ARHGAP42: variants seen among roughly 807,000 people sequenced by gnomAD.
ARHGAP42 encodes the protein rho GTPase-activating protein 42.
ARHGAP42 carries 63 observed loss-of-function variants against 125.0 expected under a neutral mutation model. The ratio of observed to expected loss-of-function variants is 0.50; its 90% CI spans 0.41 to 0.62. The LOEUF (loss-of-function observed/expected upper bound fraction) is 0.62, where lower values mean the gene tolerates loss of function less well. ARHGAP42 is among the 20% of genes least tolerant of loss of function. The pLI, the probability that ARHGAP42 is intolerant of heterozygous loss-of-function variation, is 0.00. For synonymous variants in ARHGAP42, 339 were observed against 351.0 expected (o/e 0.97, Z 0.38); for missense variants, 766 against 1,024.2 (o/e 0.75, Z 3.44).
intron 1 of ARHGAP42, among the ~76,000 whole-genome samples, chr11:100,717,786 C>T (rs769106401): frequency 6.6e-5 from 10 of 151,326 alleles, no homozygotes; most frequent in African/African-American, 2.2e-4. Flanking sequence ...ATTAACAGGA[C>T]GTGGTGGCAC....
chr11:100,905,737 G>C (rs1387902999), intron 4 of ARHGAP42, among the ~76,000 whole-genome samples: 2 of 152,172 alleles, frequency 1.3e-5, no homozygotes, highest in Non-Finnish European at 2.9e-5. Flanking sequence ...ACCACTTTGG[G>C]AGGTCGAGGC....
intron 1 of ARHGAP42, among the ~76,000 whole-genome samples, chr11:100,731,284 G>A (rs1177871093): frequency 6.6e-6 from 1 of 151,640 alleles, no homozygotes; most frequent in East Asian, 1.9e-4. Context: ...TCAGCCTCCC[G>A]AGTAGCTGGG....
intron 3 of ARHGAP42, among the ~76,000 whole-genome samples, chr11:100,820,359 C>G (rs1008281421): frequency 6.6e-6 from 1 of 152,050 alleles, no homozygotes; most frequent in East Asian, 1.9e-4. Flanking sequence ...TGCCTATTTG[C>G]CAAATGATGT....
intron 3 of ARHGAP42, among the ~76,000 whole-genome samples, chr11:100,811,103 GCGC>G (rs1309407136): frequency 6.6e-6 from 1 of 152,090 alleles, no homozygotes; most frequent in African/African-American, 2.4e-5. Context: ...TTACAGGCAT[GCGC>G]CACCACGCCC....
Position 100,988,786 on chromosome 11 carries a change from T to G in ARHGAP42, c.2610T>G (p.Tyr870Ter). ...EGKTGLVPEN[Y>*]VVFL ...AAACAGGACTAGTTCCAGAAAATTA[T>G]GTTGTCTTCCTCTAATACTATTTAG... The change falls in exon 24 of 24, where the codon TAT becomes TAG. Residue 870 changes from tyrosine (Y) to a stop codon, truncating the protein, a stop_gained. Transcript: ENST00000298815. LOFTEE classifies it high-confidence loss of function. 6.5e-7 allele frequency: 1 copy of G among 1,549,602 alleles called. No homozygotes were observed. The highest frequency in any genetic ancestry group is 8.7e-7 in the Non-Finnish European group (1 of 1,145,960).
At chr11:100,716,155 C>T (rs937769709) in intron 1 of ARHGAP42, among the ~76,000 whole-genome samples, 2 of 152,158 alleles carry the variant, frequency 1.3e-5, no homozygotes, top group Non-Finnish European at 2.9e-5. Context: ...TAAACTATCC[C>T]GTAAGCTTCA....
At position 100,965,691 on chromosome 11, in the gene ARHGAP42, A is replaced by C. The variant is rs1286008386; in HGVS notation, c.1465A>C (p.Arg489=). The C allele has an allele frequency of 1.2e-5, 19 of 1,550,480 alleles. No homozygotes were observed. The highest frequency in any genetic ancestry group is 1.7e-5 in the Non-Finnish European group (19 of 1,146,890). The change falls in exon 17 of 24, where the codon AGG becomes CGG. Residue 489 remains arginine, a synonymous_variant. Transcript: ENST00000298815. The part of the protein sequence containing the change: ...IAVKSDDQNY[R]VEAVHALVHK... ...AACAGAATCTGATGATCAAAACTAC[A>C]GGGTGGAGGCTGTACATGCATTGGT...
intron 3 of ARHGAP42, among the ~76,000 whole-genome samples, chr11:100,802,197 G>C (rs543123926): frequency 6.6e-6 from 1 of 152,024 alleles, no homozygotes; most frequent in Non-Finnish European, 1.5e-5. Context: ...CCACCATTTC[G>C]TCTTAGGCTG....
chr11:100,728,991 A>T (rs1034739076), intron 1 of ARHGAP42, among the ~76,000 whole-genome samples: 1 of 151,684 alleles, frequency 6.6e-6, no homozygotes, highest in South Asian at 2.1e-4. Flanking sequence ...CTGGTCCTGA[A>T]ATCCTGGCCT....
At chr11:100,902,750 T>C (rs958995794) in intron 4 of ARHGAP42, among the ~76,000 whole-genome samples, 2 of 152,050 alleles carry the variant, frequency 1.3e-5, no homozygotes, top group African/African-American at 4.8e-5. Flanking sequence ...TCAGGGCACA[T>C]TGGCTCCTTC....
chr11:100,828,966 G>A (rs1356079877), intron 3 of ARHGAP42, among the ~76,000 whole-genome samples: 1 of 152,178 alleles, frequency 6.6e-6, no homozygotes, highest in Non-Finnish European at 1.5e-5. Context: ...TTGGCTGCAA[G>A]TAATACAAAA....
chr11:100,798,312 T>C (rs1339643098), intron 3 of ARHGAP42, among the ~76,000 whole-genome samples: 1 of 152,228 alleles, frequency 6.6e-6, no homozygotes, highest in Admixed American at 6.5e-5. Flanking sequence ...CTGTAATTCA[T>C]GCTACAGAGA....
At chr11:100,839,208 G>T (rs1326092098) in intron 3 of ARHGAP42, among the ~76,000 whole-genome samples, 1 of 152,114 alleles carries the variant, frequency 6.6e-6, no homozygotes, top group Non-Finnish European at 1.5e-5. Context: ...TGATATTTGT[G>T]TTCCTAAGAT....
chr11:100,718,609 T>C (rs1478655092), intron 1 of ARHGAP42, among the ~76,000 whole-genome samples: 3 of 152,070 alleles, frequency 2.0e-5, no homozygotes, highest in Non-Finnish European at 4.4e-5. Flanking sequence ...GGTAGGGAAA[T>C]GGATTTCAAA....
rs192712737 is a variant in ARHGAP42, at chr11:100,823,920, A to G, written c.312+28754A>G. Among the ~76,000 whole-genome samples the G allele has an allele frequency of 9.3e-4, 141 of 152,298 alleles. 1 individual carries two copies. Among genetic ancestry groups the G allele is most frequent in the African/African-American group, 3.3e-3 (136 of 41,566 alleles). ...CACACCTATATTTAAAGGTTATGTC[A>G]TTATTGAGGATATTTGAAAAGAATG... On this transcript the variant is annotated intron_variant, in intron 3 of 23. Transcript: ENST00000298815.
chr11:100,864,126 T>C (rs983924941), intron 4 of ARHGAP42, among the ~76,000 whole-genome samples: 7 of 152,246 alleles, frequency 4.6e-5, no homozygotes, highest in Admixed American at 3.9e-4. Flanking sequence ...CTGCACTTTA[T>C]ATGCCTGTTG....
At chr11:100,689,141 T>G (rs1861143013) in intron 1 of ARHGAP42, among the ~76,000 whole-genome samples, 1 of 152,240 alleles carries the variant, frequency 6.6e-6, no homozygotes, top group Non-Finnish European at 1.5e-5. Flanking sequence ...AAGGTAAAGA[T>G]AATATATTTT....
chr11:100,842,360 A>G (rs1194999330), intron 3 of ARHGAP42, among the ~76,000 whole-genome samples: 1 of 152,164 alleles, frequency 6.6e-6, no homozygotes, highest in Non-Finnish European at 1.5e-5. Flanking sequence ...TGCAATGCAA[A>G]TAGATATAGC....
intron 3 of ARHGAP42, among the ~76,000 whole-genome samples, chr11:100,835,223 C>T (rs951689321): frequency 3.9e-5 from 6 of 152,144 alleles, no homozygotes; most frequent in Non-Finnish European, 1.5e-5. Flanking sequence ...AGGTTGCTGT[C>T]TTTCAAGAGA....
Sources: allele counts gnomAD v4.1 joint callset (sites outside exome capture counted in the v4.1 genomes callset), GRCh38; gene constraint gnomAD v4.1.1; transcripts MANE v1.5; gene names NCBI Gene and HGNC (gene_info 2026-07-23, HGNC 2026-07-21).